Variants in TAOK3 observed in about 807,000 individuals in gnomAD.
TAOK3 encodes the protein serine/threonine-protein kinase TAO3.
In TAOK3, 40 loss-of-function variants were observed where a neutral mutation model predicts 120.4. The ratio of observed to expected loss-of-function variants is 0.33; its 90% CI spans 0.26 to 0.43. The LOEUF is 0.43. TAOK3 is among the 20% of genes least tolerant of loss of function. The pLI is 1.00. For synonymous variants in TAOK3, 355 were observed against 387.5 expected, an observed-to-expected ratio of 0.92 and a Z score of 0.99; for missense variants, 821 against 1,112.1, an observed-to-expected ratio of 0.74 and a Z score of 3.72.
intron 11 of TAOK3, among the ~76,000 whole-genome samples, chr12:118,210,117 G>A (rs781691410): frequency 1.3e-5 from 2 of 151,920 alleles, no homozygotes; most frequent in African/African-American, 2.4e-5. Context: ...TTTGGGGAGG[G>A]GCCTCTTTAA....
intron 1 of TAOK3, among the ~76,000 whole-genome samples, chr12:118,360,682 G>C (rs931414093): frequency 2.0e-5 from 3 of 151,580 alleles, no homozygotes; most frequent in Admixed American, 2.0e-4. Context: ...ACAAAATAAA[G>C]TCCCTGTGGT....
chr12:118,358,247 C>T (rs2045473580), intron 1 of TAOK3, among the ~76,000 whole-genome samples: 1 of 152,140 alleles, frequency 6.6e-6, no homozygotes, highest in South Asian at 2.1e-4. Flanking sequence ...TTGTTAATAA[C>T]CGAATGGCCA....
chr12:118,361,881 C>T (rs1239229397), intron 1 of TAOK3, among the ~76,000 whole-genome samples: 2 of 151,652 alleles, frequency 1.3e-5, no homozygotes, highest in African/African-American at 4.9e-5. Flanking sequence ...GATCCCATCA[C>T]CCAGGTAGTG....
intron 5 of TAOK3, among the ~76,000 whole-genome samples, chr12:118,239,947 A>G (rs796195535): frequency 6.6e-5 from 10 of 152,198 alleles, no homozygotes; most frequent in African/African-American, 2.4e-4. Context: ...CAGGTGGATC[A>G]CCTGAGGCCA....
At position 118,235,543 on chromosome 12, in the gene TAOK3, C is replaced by T. The variant is rs2039984980; in HGVS notation, c.551+15G>A. ...CAGATTTTAAAACTATGTCATATAG[C>T]CTAATTCTACATACCAGTAAGGTGT... On this transcript the variant is annotated intron_variant, in intron 8 of 20. Transcript: ENST00000392533. 1 of 1,593,748 alleles carries T rather than the reference C, an allele frequency of 6.3e-7. No individual in the cohort carries two copies. Among genetic ancestry groups the T allele is most frequent in the East Asian group, 2.2e-5 (1 of 44,794 alleles).
At chr12:118,196,686 T>C (rs1164217959) in intron 13 of TAOK3, among the ~76,000 whole-genome samples, 1 of 152,208 alleles carries the variant, frequency 6.6e-6, no homozygotes, top group African/African-American at 2.4e-5. Context: ...TCTCAAACTG[T>C]AAAGATAGCT....
chr12:118,202,156 A>C (rs2038055900), intron 11 of TAOK3, among the ~76,000 whole-genome samples: 1 of 148,788 alleles, frequency 6.7e-6, no homozygotes, highest in Admixed American at 6.7e-5. Context: ...AAATATTATA[A>C]ATAAACAAAT....
chr12:118,251,638 C>T (rs994022921), intron 3 of TAOK3, among the ~76,000 whole-genome samples: 9 of 152,158 alleles, frequency 5.9e-5, no homozygotes, highest in African/African-American at 1.7e-4. Flanking sequence ...CCTTCAAAAA[C>T]GCACACACTC....
At chr12:118,173,878 A>G (rs1022570537) in intron 16 of TAOK3, among the ~76,000 whole-genome samples, 26 of 152,250 alleles carry the variant, frequency 1.7e-4, no homozygotes, top group African/African-American at 5.5e-4. Context: ...TGTGATGCCG[A>G]TATCATAGAC....
chr12:118,366,944 G>A (rs1011892760), intron 1 of TAOK3, among the ~76,000 whole-genome samples: 8 of 152,192 alleles, frequency 5.3e-5, no homozygotes, highest in Non-Finnish European at 1.2e-4. Flanking sequence ...ACCAAAATTA[G>A]CTGGGTGACG....
intron 2 of TAOK3, among the ~76,000 whole-genome samples, chr12:118,260,827 T>C (rs353890): frequency 0.47 from 71,757 of 151,918 alleles, 17,792 homozygotes; most frequent in Non-Finnish European, 0.54. Context: ...ATTACAGGCA[T>C]GCGCCACCAC....
At chr12:118,246,256 A>G (rs1054457084) in intron 3 of TAOK3, 41 of 1,484,536 alleles carry the variant, frequency 2.8e-5, no homozygotes, top group Non-Finnish European at 3.5e-5. Flanking sequence ...GCCGAGGATA[A>G]GGAGTGGATG....
chr12:118,252,097 G>C (rs1209601129), intron 3 of TAOK3, among the ~76,000 whole-genome samples: 4 of 152,182 alleles, frequency 2.6e-5, no homozygotes, highest in Non-Finnish European at 5.9e-5. Context: ...TGGGACTACA[G>C]GCATGAGCCA....
chr12:118,354,616 A>G (rs2045317062), intron 1 of TAOK3, among the ~76,000 whole-genome samples: 1 of 151,974 alleles, frequency 6.6e-6, no homozygotes, highest in Non-Finnish European at 1.5e-5. Flanking sequence ...CACAATTCCC[A>G]AGCATTGTGG....
At chr12:118,258,414 A>C (rs182924362) in intron 2 of TAOK3, among the ~76,000 whole-genome samples, 4 of 152,224 alleles carry the variant, frequency 2.6e-5, no homozygotes, top group Non-Finnish European at 5.9e-5. Context: ...GAAAGCACAA[A>C]ATGAGAGTTC....
At chr12:118,289,296 CAAAA>C (rs59297201) in intron 1 of TAOK3, among the ~76,000 whole-genome samples, 1 of 78,718 alleles carries the variant, frequency 1.3e-5, no homozygotes, top group Non-Finnish European at 2.4e-5. Flanking sequence ...AAGACTGTCT[CAAAA>C]AAAAAAAAAA....
intron 11 of TAOK3, among the ~76,000 whole-genome samples, chr12:118,206,382 AT>A (rs2038312193): frequency 6.6e-6 from 1 of 152,162 alleles, no homozygotes; most frequent in South Asian, 2.1e-4. Flanking sequence ...CTACATCTTA[AT>A]ATCTCACTGT....
intron 3 of TAOK3, among the ~76,000 whole-genome samples, 185 bp from the exon 4 acceptor site, chr12:118,245,150 A>G (rs909799022): frequency 6.6e-6 from 1 of 152,068 alleles, no homozygotes; most frequent in African/African-American, 2.4e-5. Context: ...CTCCTGTTTC[A>G]GCCTCCCAAG....
intron 3 of TAOK3, among the ~76,000 whole-genome samples, chr12:118,247,811 A>C (rs2140067392): frequency 6.6e-6 from 1 of 152,310 alleles, no homozygotes; most frequent in East Asian, 1.9e-4. Context: ...TACTGCTCCC[A>C]GCCTCAACTT....
Sources: allele counts gnomAD v4.1 joint callset (sites outside exome capture counted in the v4.1 genomes callset), GRCh38; gene constraint gnomAD v4.1.1; transcripts MANE v1.5; gene names NCBI Gene and HGNC (gene_info 2026-07-23, HGNC 2026-07-21).